The following WDFY4 variants were observed in gnomAD, a reference collection of about 807,000 sequenced individuals.
WDFY4 encodes the protein WD repeat- and FYVE domain-containing protein 4.
Under a neutral mutation model 351.9 loss-of-function variants are expected in WDFY4, and 169 were observed. The ratio of observed to expected loss-of-function variants is 0.48; its 90% confidence interval spans 0.42 to 0.55. The LOEUF is 0.55. WDFY4 is among the 20% of genes least tolerant of loss of function. WDFY4 has a pLI of 0.00. For synonymous variants in WDFY4, 1,622 were observed against 1,574.6 expected (o/e 1.03, Z -0.71); for missense variants, 3,803 against 3,935.6 (o/e 0.97, Z 0.90).
At chr10:48,822,181 T>A (rs1156714957) in intron 34 of WDFY4, among the ~76,000 whole-genome samples, 199 bp from the exon 35 acceptor site, 1 of 152,240 alleles carries the variant, frequency 6.6e-6, no homozygotes, top group African/African-American at 2.4e-5. Context: ...TTTATGTCGC[T>A]GACCAGATTA....
intron 40 of WDFY4, among the ~76,000 whole-genome samples, chr10:48,869,665 T>A (rs1009323706): frequency 6.6e-6 from 1 of 152,206 alleles, no homozygotes; most frequent in Non-Finnish European, 1.5e-5. Context: ...CAGCCTCTCT[T>A]GCTCTGTCTG....
intron 13 of WDFY4, among the ~76,000 whole-genome samples, chr10:48,761,286 A>G (rs2065494571): frequency 6.6e-6 from 1 of 152,212 alleles, no homozygotes; most frequent in Non-Finnish European, 1.5e-5. Context: ...AATGTAAATG[A>G]TAACAAGAAG....
At chr10:48,804,498 G>A (rs1204283142) in intron 25 of WDFY4, among the ~76,000 whole-genome samples, 1 of 150,722 alleles carries the variant, frequency 6.6e-6, no homozygotes, top group Non-Finnish European at 1.5e-5. Context: ...ACAGAATTGG[G>A]CTCTGGTCCT....
At chr10:48,860,788 G>T (rs2069311475) in intron 39 of WDFY4, among the ~76,000 whole-genome samples, 1 of 152,044 alleles carries the variant, frequency 6.6e-6, no homozygotes, top group Non-Finnish European at 1.5e-5. Flanking sequence ...TTTTGACACA[G>T]ATTAAAGTCT....
chr10:48,690,972 C>T (rs945117424), intron 1 of WDFY4, among the ~76,000 whole-genome samples: 1 of 152,198 alleles, frequency 6.6e-6, no homozygotes, highest in East Asian at 1.9e-4. Flanking sequence ...GGCCCTCCCC[C>T]ACTCCACCCA....
Position 48,978,297 on chromosome 10 carries a change from C to T in WDFY4, c.9292-12C>T. The T allele has an allele frequency of 6.4e-7, 1 of 1,550,596 alleles. No individual in the cohort carries two copies. Among genetic ancestry groups the T allele is most frequent in the Non-Finnish European group, 8.7e-7 (1 of 1,146,408 alleles). The stretch of plus-strand genomic sequence containing the variant: ...GTCTTCCCCGCCGATGACATTTGCT[C>T]TTTTGGGGCAGGTTTGGAAGACTGA... On this transcript the variant is annotated splice_polypyrimidine_tract_variant and intron_variant, in intron 59 of 61. Coordinates refer to ENST00000325239, the MANE Select transcript of WDFY4 (RefSeq NM_001394531.1).
At chr10:48,699,928 A>T (rs1179774609) in intron 1 of WDFY4, among the ~76,000 whole-genome samples, 1 of 151,568 alleles carries the variant, frequency 6.6e-6, no homozygotes, top group African/African-American at 2.4e-5. Context: ...CTGCCTCCTC[A>T]CCTCCTGAGA....
At chr10:48,704,354 C>G (rs2063564811) in intron 1 of WDFY4, among the ~76,000 whole-genome samples, 1 of 152,194 alleles carries the variant, frequency 6.6e-6, no homozygotes, top group Non-Finnish European at 1.5e-5. Context: ...GAGAGCAGAG[C>G]TTCCAACCTG....
chr10:48,949,680 CAG>C (rs1841224798), intron 51 of WDFY4, among the ~76,000 whole-genome samples: 1 of 152,132 alleles, frequency 6.6e-6, no homozygotes, highest in Non-Finnish European at 1.5e-5. Flanking sequence ...GCAAGGAAGC[CAG>C]AGCCAGTGGA....
chr10:48,864,471 T>A (rs1421394758), intron 39 of WDFY4, among the ~76,000 whole-genome samples: 1 of 152,228 alleles, frequency 6.6e-6, no homozygotes, highest in African/African-American at 2.4e-5. Context: ...CTGCACTGCC[T>A]TGTTTGCCAT....
chr10:48,787,792 C>T (rs1589607745), intron 20 of WDFY4, among the ~76,000 whole-genome samples: 1 of 75,858 alleles, frequency 1.3e-5, no homozygotes, highest in East Asian at 7.8e-4. Context: ...CCTCTTCCTC[C>T]TCCTCCTCCT....
intron 51 of WDFY4, among the ~76,000 whole-genome samples, chr10:48,951,732 A>T (rs1426052784): frequency 6.6e-6 from 1 of 152,214 alleles, no homozygotes; most frequent in Non-Finnish European, 1.5e-5. Context: ...AGTGTCTGTG[A>T]GTCTCCAGAA....
chr10:48,752,470 TTG>T (rs1483749131), intron 12 of WDFY4, among the ~76,000 whole-genome samples: 1 of 152,248 alleles, frequency 6.6e-6, no homozygotes, highest in African/African-American at 2.4e-5. Context: ...ATTCACAGTG[TTG>T]TGCAAAGACC....
At chr10:48,920,016 T>C (rs971057440) in intron 47 of WDFY4, among the ~76,000 whole-genome samples, 3 of 152,080 alleles carry the variant, frequency 2.0e-5, no homozygotes, top group African/African-American at 7.2e-5. Context: ...AACATAGTAT[T>C]AGCAAATTGA....
chr10:48,961,334 G>T (rs891670222), intron 53 of WDFY4, among the ~76,000 whole-genome samples: 1 of 152,230 alleles, frequency 6.6e-6, no homozygotes, highest in Admixed American at 6.5e-5. Flanking sequence ...CCAGAGTGTT[G>T]CTGGAATGAT....
intron 39 of WDFY4, among the ~76,000 whole-genome samples, chr10:48,840,594 T>C (rs2068571028): frequency 1.3e-5 from 2 of 151,766 alleles, no homozygotes; most frequent in Non-Finnish European, 2.9e-5. Flanking sequence ...ATCACACCAG[T>C]GAGAAGGAAG....
chr10:48,896,204 G>A (rs936041513), intron 44 of WDFY4, among the ~76,000 whole-genome samples: 1 of 152,344 alleles, frequency 6.6e-6, no homozygotes, highest in Non-Finnish European at 1.5e-5. Flanking sequence ...AGACAGACCA[G>A]TCAGACATGC....
chr10:48,690,338 T>G (rs1384476230), intron 1 of WDFY4, among the ~76,000 whole-genome samples: 1 of 152,212 alleles, frequency 6.6e-6, no homozygotes, highest in African/African-American at 2.4e-5. Flanking sequence ...TGCAATCAAA[T>G]CATTTTCACA....
At chr10:48,789,216 A>G (rs1487727444) in intron 21 of WDFY4, among the ~76,000 whole-genome samples, 1 of 152,244 alleles carries the variant, frequency 6.6e-6, no homozygotes, top group Non-Finnish European at 1.5e-5. Context: ...TAAAAACAGT[A>G]AATTTTCAAA....
Sources: allele counts gnomAD v4.1 joint callset (sites outside exome capture counted in the v4.1 genomes callset), GRCh38; gene constraint gnomAD v4.1.1; transcripts MANE v1.5; gene names NCBI Gene and HGNC (gene_info 2026-07-23, HGNC 2026-07-21).